Variants in ALPK1 observed in about 807,000 individuals in gnomAD.
ALPK1 encodes alpha kinase 1, also known as alpha-protein kinase 1.
In ALPK1, 110 loss-of-function variants were observed where a neutral mutation model predicts 120.6. The observed-to-expected ratio is 0.91, with a 90% CI of 0.78 to 1.07. The LOEUF (loss-of-function observed/expected upper bound fraction) is 1.07. Among genes scored for constraint, ALPK1 ranks in the 50% least tolerant of loss-of-function variants. The probability of loss-of-function intolerance (pLI) is 0.00; values close to 1 mark genes in which losing one functional copy is unlikely to be tolerated. For missense variants in ALPK1, 1,498 were observed against 1,483.9 expected (o/e 1.01, Z -0.16); for synonymous variants, 582 against 560.3 (o/e 1.04, Z -0.55).
intron 2 of ALPK1, among the ~76,000 whole-genome samples, chr4:112,365,911 C>G (rs1158732838): frequency 6.6e-6 from 1 of 152,136 alleles, no homozygotes; most frequent in Admixed American, 6.5e-5. Context: ...CAAATACTTA[C>G]AGTTAACTGA....
chr4:112,440,874 T>G, intron 14 of ALPK1, 43 bp from the exon 15 acceptor site: 3 of 1,551,308 alleles, frequency 1.9e-6, no homozygotes, highest in Non-Finnish European at 2.6e-6. Context: ...TGATGGACAT[T>G]TACAGGGAAT....
Position 112,427,276 on chromosome 4 carries a change from G to T in ALPK1, c.700-294G>T, listed in dbSNP as rs146312094. Reference sequence around the variant, plus strand: ...AATTTAAAAATATCTCCAAGTCAGGGTATTAATTATTACACAATGTATATA... The same window carrying T: ...AATTTAAAAATATCTCCAAGTCAGGTTATTAATTATTACACAATGTATATA... On this transcript the variant is annotated intron_variant, in intron 8 of 15. Transcript: ENST00000650871. 7.3e-3 allele frequency among the ~76,000 whole-genome samples: 1,111 copies of T among 152,072 alleles called. 14 individuals carry two copies. Among genetic ancestry groups the T allele is most frequent in the African/African-American group, 0.024 (1,015 of 41,462 alleles).
chr4:112,328,503 G>C (rs1028478730), intron 2 of ALPK1, among the ~76,000 whole-genome samples: 4 of 152,158 alleles, frequency 2.6e-5, no homozygotes, highest in African/African-American at 7.2e-5. Context: ...TGTTGCCATT[G>C]TTGAGTATTT....
intron 2 of ALPK1, among the ~76,000 whole-genome samples, chr4:112,340,894 T>A (rs980350592): frequency 6.6e-6 from 1 of 152,250 alleles, no homozygotes; most frequent in Non-Finnish European, 1.5e-5. Context: ...GTGAATTCAC[T>A]GTAAGATGTG....
At chr4:112,414,448 AACT>A (rs1733640646) in intron 5 of ALPK1, 1 of 369,832 alleles carries the variant, frequency 2.7e-6, no homozygotes, top group African/African-American at 2.1e-5. Context: ...CTCTACTGAA[AACT>A]ACAAAAATTA....
chr4:112,306,712 A>G (rs1728080692), intron 1 of ALPK1, among the ~76,000 whole-genome samples: 1 of 151,842 alleles, frequency 6.6e-6, no homozygotes. Flanking sequence ...TCCTGGATTC[A>G]TTGATTTTTT....
chr4:112,319,610 T>C (rs1482316790), intron 2 of ALPK1, among the ~76,000 whole-genome samples: 1 of 152,206 alleles, frequency 6.6e-6, no homozygotes, highest in Admixed American at 6.5e-5. Flanking sequence ...GGCAATTGCA[T>C]TGAATTTGTA....
chr4:112,318,523 A>G (rs1728731688), intron 2 of ALPK1, among the ~76,000 whole-genome samples: 2 of 152,202 alleles, frequency 1.3e-5, no homozygotes, highest in Non-Finnish European at 2.9e-5. Flanking sequence ...GTCACTTATG[A>G]CCTAACATGG....
intron 4 of ALPK1, among the ~76,000 whole-genome samples, chr4:112,389,720 G>A (rs1732320005): frequency 6.6e-6 from 1 of 152,228 alleles, no homozygotes; most frequent in African/African-American, 2.4e-5. Flanking sequence ...AGACAGCACA[G>A]GAGGGGAAGC....
chr4:112,402,687 A>G (rs1244357438), intron 4 of ALPK1, among the ~76,000 whole-genome samples: 1 of 152,216 alleles, frequency 6.6e-6, no homozygotes, highest in Non-Finnish European at 1.5e-5. Flanking sequence ...ACATTCTCTC[A>G]TCCATATCCA....
At chr4:112,435,362 A>C (rs1734746023) in intron 12 of ALPK1, 61 bp downstream of exon 12, 1 of 1,516,092 alleles carries the variant, frequency 6.6e-7, no homozygotes, top group Non-Finnish European at 8.9e-7. Flanking sequence ...TCTTCTGTTA[A>C]GTAATCACTC....
rs112210802 is a variant in ALPK1, at chr4:112,315,531, G to T, written c.-152-270G>T. Among the ~76,000 whole-genome samples the T allele has an allele frequency of 3.4e-3, 516 of 152,288 alleles. 2 individuals are homozygous for T. The highest frequency in any genetic ancestry group is 0.011 in the African/African-American group (438 of 41,562). ...TTAAGGGAGGGAGGAAACCAAAAGA[G>T]GTTTGTCCCCAGTCAAGCACTCTGG... On this transcript the variant is annotated intron_variant, in intron 1 of 15. Coordinates refer to ENST00000650871, the MANE Select transcript of ALPK1 (RefSeq NM_025144.4).
intron 4 of ALPK1, among the ~76,000 whole-genome samples, chr4:112,389,577 T>C (rs555736133): frequency 1.3e-5 from 2 of 152,314 alleles, no homozygotes; most frequent in Admixed American, 1.3e-4. Flanking sequence ...ATCAGGAGAA[T>C]GGAGCATGAG....
At chr4:112,326,544 G>A (rs1729127841) in intron 2 of ALPK1, among the ~76,000 whole-genome samples, 1 of 152,256 alleles carries the variant, frequency 6.6e-6, no homozygotes, top group East Asian at 1.9e-4. Flanking sequence ...GAAAGAAAGG[G>A]AGGCAGGCTT....
Position 112,382,555 on chromosome 4 carries a change from A to G in ALPK1, c.276+3A>G, listed in dbSNP as rs904457280. ...GCGCCGGGTTGCAGCAGTTACTGGTAGGAAGAGCCACACCACCTGTTCCTC... is the reference window on the plus strand; with the variant it reads ...GCGCCGGGTTGCAGCAGTTACTGGTGGGAAGAGCCACACCACCTGTTCCTC... On this transcript the variant is annotated splice_donor_region_variant and intron_variant, in intron 4 of 15. Coordinates refer to ENST00000650871, the MANE Select transcript of ALPK1 (RefSeq NM_025144.4). 1 of 1,614,184 alleles carries G rather than the reference A, an allele frequency of 6.2e-7. No homozygotes were observed. Among genetic ancestry groups the G allele is most frequent in the Admixed American group, 1.7e-5 (1 of 60,026 alleles).
At chr4:112,358,839 G>T in intron 2 of ALPK1, 1 of 802,830 alleles carries the variant, frequency 1.2e-6, no homozygotes, top group Non-Finnish European at 2.3e-6. Flanking sequence ...CTTCACCCAG[G>T]CCCTGCAGGA....
Position 112,426,644 on chromosome 4 carries a change from T to C in ALPK1, c.699+101T>C, listed in dbSNP as rs1734249770. The C allele has an allele frequency of 4.8e-6, 5 of 1,034,326 alleles. No individual in the cohort carries two copies. The South Asian group carries it at 1.1e-4, about 22-fold the overall frequency. The allele number at this position is 1,034,326 out of a possible 1,614,324, so 64.1% of individuals were successfully genotyped here. On this transcript the variant is annotated intron_variant, in intron 8 of 15. Transcript: ENST00000650871. ...ATTTCTCATATATCAATTTCATCTG[T>C]CCTATTTTTATTTATTTTTCACAAG...
At chr4:112,379,645 G>T (rs1201616852) in intron 3 of ALPK1, among the ~76,000 whole-genome samples, 2 of 152,178 alleles carry the variant, frequency 1.3e-5, no homozygotes, top group Non-Finnish European at 2.9e-5. Context: ...ATTAGTACAG[G>T]GTCACTTATG....
chr4:112,389,080 T>C (rs1732284588), intron 4 of ALPK1, among the ~76,000 whole-genome samples: 1 of 150,152 alleles, frequency 6.7e-6, no homozygotes. Flanking sequence ...CATCTCGCTC[T>C]GTTGTCCAGG....
Sources: allele counts gnomAD v4.1 joint callset (sites outside exome capture counted in the v4.1 genomes callset), GRCh38; gene constraint gnomAD v4.1.1; transcripts MANE v1.5; gene names NCBI Gene and HGNC (gene_info 2026-07-23, HGNC 2026-07-21).